BLTP3B: variants seen among roughly 807,000 people sequenced by gnomAD.
The protein encoded by BLTP3B is bridge-like lipid transfer protein family member 3B.
the BLTP3B span, among the ~76,000 whole-genome samples, chr12:100,120,268 C>T: frequency 6.6e-6 from 1 of 151,930 alleles, no homozygotes; most frequent in Non-Finnish European, 1.5e-5. Context: ...CCCAGCTACT[C>T]GGGAGGCTGA....
the BLTP3B span, chr12:100,037,641 C>T: frequency 6.2e-7 from 1 of 1,608,246 alleles, no homozygotes; most frequent in South Asian, 1.1e-5. Flanking sequence ...TCCTGCTATT[C>T]AACTGTCATC....
At chr12:100,131,198 C>G in the BLTP3B span, among the ~76,000 whole-genome samples, 4 of 151,644 alleles carry the variant, frequency 2.6e-5, no homozygotes, top group African/African-American at 4.8e-5. Context: ...GTGGTCCCCA[C>G]TACTCAGGAG....
the BLTP3B span, among the ~76,000 whole-genome samples, chr12:100,088,029 G>A: frequency 6.6e-6 from 1 of 152,092 alleles, no homozygotes; most frequent in African/African-American, 2.4e-5. Flanking sequence ...CAACCTTTTA[G>A]GCTGGAATCT....
chr12:100,131,992 A>G, the BLTP3B span, among the ~76,000 whole-genome samples: 4 of 152,166 alleles, frequency 2.6e-5, no homozygotes, highest in Non-Finnish European at 5.9e-5. Flanking sequence ...GGGTTTCACC[A>G]TATTGGCCAG....
the BLTP3B span, among the ~76,000 whole-genome samples, chr12:100,056,823 T>TG: frequency 1.4e-5 from 2 of 143,820 alleles, no homozygotes; most frequent in Non-Finnish European, 3.0e-5. Flanking sequence ...GGCGACAGAG[T>TG]GAAAAAAAAA....
chr12:100,040,042 T>C, the BLTP3B span, among the ~76,000 whole-genome samples: 1 of 152,188 alleles, frequency 6.6e-6, no homozygotes, highest in South Asian at 2.1e-4. Flanking sequence ...ATTTATTATG[T>C]TTTTATATTA....
the BLTP3B span, among the ~76,000 whole-genome samples, chr12:100,067,213 T>C: frequency 6.6e-6 from 1 of 152,078 alleles, no homozygotes; most frequent in Non-Finnish European, 1.5e-5. Context: ...AAGTTCATAG[T>C]TCTAAATGCC....
the BLTP3B span, among the ~76,000 whole-genome samples, chr12:100,131,393 A>C: frequency 1.3e-5 from 2 of 151,744 alleles, no homozygotes; most frequent in Non-Finnish European, 2.9e-5. Context: ...AAGATTTACA[A>C]ATAGACAACA....
At chr12:100,071,478 C>G in the BLTP3B span, among the ~76,000 whole-genome samples, 1 of 106,200 alleles carries the variant, frequency 9.4e-6, no homozygotes, top group African/African-American at 3.8e-5. Context: ...GCCTGGGTGA[C>G]AGAGCAAGAC....
chr12:100,124,974 A>ATATT, the BLTP3B span, among the ~76,000 whole-genome samples: 432 of 100,158 alleles, frequency 4.3e-3, 3 homozygotes, highest in African/African-American at 0.019. Context: ...ATATATATAT[A>ATATT]TATATTTATA....
At chr12:100,070,332 G>T in the BLTP3B span, among the ~76,000 whole-genome samples, 147 of 151,464 alleles carry the variant, frequency 9.7e-4, no homozygotes, top group Middle Eastern at 3.4e-3. Flanking sequence ...TGTTGCCCAG[G>T]CTGGAGTGCA....
At chr12:100,099,423 T>C in the BLTP3B span, among the ~76,000 whole-genome samples, 3 of 151,568 alleles carry the variant, frequency 2.0e-5, no homozygotes, top group Admixed American at 6.6e-5. Context: ...AACCTGGAGT[T>C]TGAAACTAGC....
the BLTP3B span, among the ~76,000 whole-genome samples, chr12:100,062,745 T>TGAGCCCAGGAGTTTGAGAC: frequency 6.6e-6 from 1 of 152,120 alleles, no homozygotes; most frequent in South Asian, 2.1e-4. Flanking sequence ...GAGGATGGCT[T>TGAGCCCAGGAGTTTGAGAC]GAGCCCAGGA....
chr12:100,138,403 T>G, the BLTP3B span, among the ~76,000 whole-genome samples: 1 of 152,228 alleles, frequency 6.6e-6, no homozygotes, highest in African/African-American at 2.4e-5. Flanking sequence ...CCTGTACACT[T>G]TAAGCTGGTT....
the BLTP3B span, chr12:100,142,714 C>T: frequency 6.5e-7 from 1 of 1,536,564 alleles, no homozygotes; most frequent in South Asian, 1.2e-5. Context: ...CTCTCTGTCC[C>T]GGCTAGCCCG....
At chr12:100,061,024 A>G in the BLTP3B span, among the ~76,000 whole-genome samples, 1 of 152,214 alleles carries the variant, frequency 6.6e-6, no homozygotes, top group Non-Finnish European at 1.5e-5. Context: ...CACAAAGAAA[A>G]CAAAAAAATA....
At chr12:100,064,243 AAAG>A in the BLTP3B span, among the ~76,000 whole-genome samples, 1 of 152,196 alleles carries the variant, frequency 6.6e-6, no homozygotes, top group Admixed American at 6.5e-5. Context: ...ACAAAGAAAA[AAAG>A]AATAAGAAAA....
the BLTP3B span, among the ~76,000 whole-genome samples, chr12:100,110,994 A>G: frequency 6.6e-6 from 1 of 152,152 alleles, no homozygotes; most frequent in African/African-American, 2.4e-5. Context: ...ATCAGGCAAC[A>G]CCTTGATTGG....
At chr12:100,131,230 G>C in the BLTP3B span, among the ~76,000 whole-genome samples, 6 of 151,452 alleles carry the variant, frequency 4.0e-5, no homozygotes, top group Middle Eastern at 3.2e-3. Flanking sequence ...AGGATTGCTA[G>C]AGCCTGGGAA....
Sources: allele counts gnomAD v4.1 joint callset (sites outside exome capture counted in the v4.1 genomes callset), GRCh38; gene constraint gnomAD v4.1.1; transcripts MANE v1.5; gene names NCBI Gene and HGNC (gene_info 2026-07-23, HGNC 2026-07-21).